PLEKHD1: variants seen among roughly 807,000 people sequenced by gnomAD.
PLEKHD1 encodes pleckstrin homology domain-containing family D member 1.
In PLEKHD1, 51 loss-of-function variants were observed where a neutral mutation model predicts 69.2. The observed-to-expected ratio is 0.74, with a 90% CI of 0.59 to 0.93. PLEKHD1 has a LOEUF of 0.93. Among genes scored for constraint, PLEKHD1 ranks in the 40% least tolerant of loss-of-function variants. The probability of loss-of-function intolerance (pLI) is 0.00; values close to 1 mark genes in which losing one functional copy is unlikely to be tolerated. For synonymous variants in PLEKHD1, 236 were observed against 244.7 expected (o/e 0.96, Z 0.33); for missense variants, 584 against 641.0 (o/e 0.91, Z 0.96).
chr14:69,493,826 A>G (rs1030644225), intron 1 of PLEKHD1, among the ~76,000 whole-genome samples: 17 of 152,184 alleles, frequency 1.1e-4, no homozygotes, highest in African/African-American at 2.4e-4. Flanking sequence ...ACCTCACCCA[A>G]TGCTCCGGGC....
upstream of PLEKHD1, chr14:69,484,694 T>A (rs117998457): frequency 0.046 from 16,875 of 364,926 alleles, 545 homozygotes; most frequent in East Asian, 0.097. Flanking sequence ...GGGGAGGAGA[T>A]GCTGCCGGCC....
intron 1 of PLEKHD1, among the ~76,000 whole-genome samples, chr14:69,494,781 G>T (rs1337104486): frequency 1.3e-5 from 2 of 152,228 alleles, no homozygotes; most frequent in Admixed American, 6.5e-5. Context: ...GTACCTCTGT[G>T]CAGGGCACTG....
intron 10 of PLEKHD1, 66 bp from the exon 11 acceptor site, chr14:69,527,122 T>C: frequency 6.8e-7 from 1 of 1,471,012 alleles, no homozygotes; most frequent in Non-Finnish European, 9.0e-7. Context: ...AAGGAAGGCT[T>C]CCAGGGAAGA....
intron 1 of PLEKHD1, among the ~76,000 whole-genome samples, chr14:69,496,901 C>G (rs571261225): frequency 6.6e-6 from 1 of 152,000 alleles, no homozygotes; most frequent in African/African-American, 2.4e-5. Flanking sequence ...GGGCCCTACC[C>G]TTAAGACCTT....
chr14:69,525,971 C>T lies in PLEKHD1; in HGVS notation c.772C>T (p.Leu258=), dbSNP rs1472033128. 1 of 1,551,566 alleles carries T rather than the reference C, an allele frequency of 6.4e-7. No homozygotes were observed. Among genetic ancestry groups the T allele is most frequent in the East Asian group, 2.4e-5 (1 of 40,900 alleles). Residue 258 remains leucine, a synonymous_variant, in exon 9 of 13, where the codon CTG becomes TTG. Coordinates refer to ENST00000322564, the MANE Select transcript of PLEKHD1 (RefSeq NM_001161498.2). ...EELSIEKKKT[L]EMLEENENHL... ...ACTCTCCATAGAGAAGAAGAAAACC[C>T]TGGAAATGCTGGAGGAGAACGAGAA...
rs145076775 is a variant in PLEKHD1 at position 69,493,049 on chromosome 14, G to A, written c.150-7066G>A. Among the ~76,000 whole-genome samples the A allele has an allele frequency of 1.7e-3, 254 of 152,348 alleles. 1 individual carries two copies. Among genetic ancestry groups the A allele is most frequent in the African/African-American group, 5.8e-3 (242 of 41,570 alleles). On this transcript the variant is annotated intron_variant, in intron 1 of 12. Coordinates refer to ENST00000322564, the MANE Select transcript of PLEKHD1 (RefSeq NM_001161498.2). Reference sequence around the variant, plus strand: ...CACAAAGTACTGGGATTACAGGCGTGAGCCACCACACCCGGCCAATATTAG... The same window carrying A: ...CACAAAGTACTGGGATTACAGGCGTAAGCCACCACACCCGGCCAATATTAG...
upstream of PLEKHD1, among the ~76,000 whole-genome samples, chr14:69,482,819 GC>G (rs1322088787): frequency 1.3e-5 from 2 of 151,568 alleles, no homozygotes; most frequent in Non-Finnish European, 2.9e-5. Context: ...ATTTTGGGAG[GC>G]TGAGGTGGGA....
upstream of PLEKHD1, among the ~76,000 whole-genome samples, chr14:69,484,058 A>G (rs549697948): frequency 5.9e-5 from 9 of 152,364 alleles, no homozygotes; most frequent in Non-Finnish European, 1.2e-4. Flanking sequence ...AGACACGGTC[A>G]GGTTCCAGGA....
chr14:69,484,546 C>G (rs1421608957), upstream of PLEKHD1: 1 of 155,412 alleles, frequency 6.4e-6, no homozygotes, highest in Non-Finnish European at 1.4e-5. Flanking sequence ...TCTGGACGCA[C>G]GGAGCCCGGC....
chr14:69,489,554 A>G (rs992444833), intron 1 of PLEKHD1, among the ~76,000 whole-genome samples: 1 of 94,084 alleles, frequency 1.1e-5, no homozygotes, highest in African/African-American at 4.3e-5. Context: ...GTGATACTCC[A>G]TCTCAAAAAA....
chr14:69,516,567 GT>G (rs1177024874), intron 6 of PLEKHD1, among the ~76,000 whole-genome samples: 1 of 152,106 alleles, frequency 6.6e-6, no homozygotes, highest in Non-Finnish European at 1.5e-5. Context: ...TGTATGTGAT[GT>G]TTTATTTAAA....
chr14:69,484,241 C>T (rs1882600752), upstream of PLEKHD1, among the ~76,000 whole-genome samples: 1 of 152,186 alleles, frequency 6.6e-6, no homozygotes, highest in South Asian at 2.1e-4. Flanking sequence ...CATCAGGCAT[C>T]GCCACTTCAC....
At chr14:69,514,236 C>T (rs372035323) in intron 6 of PLEKHD1, among the ~76,000 whole-genome samples, 42 of 150,468 alleles carry the variant, frequency 2.8e-4, no homozygotes, top group Non-Finnish European at 4.9e-4. Flanking sequence ...CACAGTTCTT[C>T]GATATTCTGC....
intron 1 of PLEKHD1, among the ~76,000 whole-genome samples, chr14:69,492,694 C>G (rs1400310480): frequency 6.6e-6 from 1 of 152,196 alleles, no homozygotes; most frequent in East Asian, 1.9e-4. Context: ...AATGAGTTAG[C>G]ACAATGCTGT....
chr14:69,515,018 C>A (rs550072942), intron 6 of PLEKHD1, among the ~76,000 whole-genome samples: 22 of 151,960 alleles, frequency 1.4e-4, no homozygotes, highest in Non-Finnish European at 2.9e-4. Context: ...TGTGACATGG[C>A]GAAATCCCGT....
At chr14:69,493,016 C>T (rs1166832802) in intron 1 of PLEKHD1, among the ~76,000 whole-genome samples, 3 of 152,252 alleles carry the variant, frequency 2.0e-5, no homozygotes, top group Non-Finnish European at 2.9e-5. Flanking sequence ...ATCCTTCTGC[C>T]TTGGTCCCAC....
chr14:69,524,123 C>G (rs1883583710), intron 7 of PLEKHD1, 106 bp from the exon 8 acceptor site: 1 of 915,004 alleles, frequency 1.1e-6, no homozygotes, highest in Non-Finnish European at 1.7e-6. Flanking sequence ...CAAGAGCCCT[C>G]CTGAGCCCCA....
intron 1 of PLEKHD1, among the ~76,000 whole-genome samples, chr14:69,494,611 G>A (rs1376546269): frequency 6.6e-6 from 1 of 152,244 alleles, no homozygotes; most frequent in Non-Finnish European, 1.5e-5. Flanking sequence ...AGAAGCCAAT[G>A]CATGAGAACA....
Position 69,526,060 on chromosome 14 carries a change from C to A in PLEKHD1, c.861C>A (p.Asn287Lys), listed in dbSNP as rs1883639995. ...QPPPSGGLHSNLRQIEEKMQQ... is the reference protein window; with the variant it reads ...QPPPSGGLHSKLRQIEEKMQQ... ...CTCCCAGTGGGGGCCTCCATAGCAA[C>A]CTCCGGCAGATCGAGGAGAAGATGC... Residue 287 changes from asparagine (N) to lysine (K), a missense_variant, in exon 9 of 13, where the codon AAC (asparagine) becomes AAA (lysine). Transcript: ENST00000322564. 1 of 1,551,550 alleles carries A rather than the reference C, an allele frequency of 6.4e-7. No individual in the cohort carries two copies. Among genetic ancestry groups the A allele is most frequent in the Admixed American group, 2.0e-5 (1 of 50,988 alleles).
Sources: gnomAD v4.1 joint callset for allele counts (sites outside exome capture counted in the v4.1 genomes callset) on GRCh38, gnomAD v4.1.1 for gene constraint, MANE v1.5 for transcripts, NCBI Gene and HGNC (gene_info 2026-07-23, HGNC 2026-07-21) for gene names.